MRTFA: variants seen among roughly 807,000 people sequenced by gnomAD.
MRTFA encodes myocardin-related transcription factor A.
MRTFA carries 20 observed loss-of-function variants against 83.5 expected under a neutral mutation model. That is an observed-to-expected ratio of 0.24 (90% CI 0.17 to 0.35). MRTFA has a LOEUF of 0.35. MRTFA is among the 10% of genes least tolerant of loss of function. The pLI is 1.00. For synonymous variants in MRTFA, 659 were observed against 541.2 expected (o/e 1.22, Z -3.02); for missense variants, 1,200 against 1,224.7 (o/e 0.98, Z 0.30).
chr22:40,411,640 C>T lies in MRTFA; in HGVS notation c.2846G>A (p.Ser949Asn). 2 of 1,613,336 alleles carry T rather than the reference C, an allele frequency of 1.2e-6. No homozygotes were observed. Among genetic ancestry groups the T allele is most frequent in the South Asian group, 1.1e-5 (1 of 90,956 alleles). The change falls in exon 15 of 15, where the codon AGC becomes AAC. Residue 949 changes from serine to asparagine, a missense_variant. Ser to Asn is a conservative substitution (Grantham distance 46, BLOSUM62 1). This residue lies in a region of MRTFA where 1,107 missense variants were observed against 1,041.8 expected (regional missense o/e 1.06). Transcript: ENST00000355630. The stretch of plus-strand genomic sequence containing the variant: ...GGGGTGGTCCAGGATGGCAGTGCTG[C>T]TCAGCATCTGGCTATGGAGGTCGTC...
intron 3 of MRTFA, among the ~76,000 whole-genome samples, chr22:40,502,551 C>T (rs1359921092): frequency 2.8e-5 from 4 of 143,386 alleles, no homozygotes; most frequent in Non-Finnish European, 4.6e-5. Flanking sequence ...CGGGCGGAGA[C>T]GCTCCTCACT....
chr22:40,626,893 A>G (rs1569358933), intron 1 of MRTFA, among the ~76,000 whole-genome samples: 1 of 151,788 alleles, frequency 6.6e-6, no homozygotes, highest in East Asian at 1.9e-4. Flanking sequence ...ACACACACAC[A>G]CACACACTAA....
At chr22:40,558,038 T>C (rs1304848429) in intron 2 of MRTFA, among the ~76,000 whole-genome samples, 1 of 151,960 alleles carries the variant, frequency 6.6e-6, no homozygotes, top group Non-Finnish European at 1.5e-5. Context: ...CCTCCCAAAG[T>C]GCTGGAATTA....
intron 3 of MRTFA, among the ~76,000 whole-genome samples, chr22:40,540,734 G>A (rs979912329): frequency 1.5e-4 from 20 of 133,642 alleles, no homozygotes; most frequent in African/African-American, 5.5e-4. Context: ...CTGAGATGGT[G>A]CCACTACACT....
chr22:40,561,305 G>C (rs1202939469), intron 2 of MRTFA, among the ~76,000 whole-genome samples: 2 of 151,568 alleles, frequency 1.3e-5, no homozygotes, highest in Non-Finnish European at 1.5e-5. Context: ...ATATGTACTA[G>C]GTACTGCCCT....
At chr22:40,535,364 TTC>T (rs1186888449) in intron 3 of MRTFA, among the ~76,000 whole-genome samples, 9 of 137,946 alleles carry the variant, frequency 6.5e-5, no homozygotes, top group East Asian at 4.0e-4. Flanking sequence ...TTTTTTTTTT[TTC>T]TTTTTGAGAC....
intron 3 of MRTFA, among the ~76,000 whole-genome samples, chr22:40,523,972 GC>G (rs2054916417): frequency 1.3e-5 from 2 of 152,080 alleles, no homozygotes; most frequent in African/African-American, 4.8e-5. Context: ...GATCCTATTT[GC>G]AAGGAAAAAC....
intron 2 of MRTFA, among the ~76,000 whole-genome samples, chr22:40,581,714 T>G (rs1286573039): frequency 6.6e-6 from 1 of 152,158 alleles, no homozygotes; most frequent in Non-Finnish European, 1.5e-5. Flanking sequence ...CATCTAACAT[T>G]TAATCCTACA....
intron 3 of MRTFA, among the ~76,000 whole-genome samples, chr22:40,530,699 A>G (rs1391535751): frequency 1.3e-5 from 2 of 152,276 alleles, no homozygotes; most frequent in Admixed American, 1.3e-4. Flanking sequence ...TAGAACACTT[A>G]GATTCAGCAA....
At chr22:40,590,191 C>G (rs2056099241) in intron 2 of MRTFA, among the ~76,000 whole-genome samples, 2 of 152,082 alleles carry the variant, frequency 1.3e-5, no homozygotes, top group Admixed American at 6.6e-5. Context: ...ACTACGACAA[C>G]TACATGGCAC....
At chr22:40,518,673 T>C (rs1487665978) in intron 3 of MRTFA, among the ~76,000 whole-genome samples, 1 of 151,320 alleles carries the variant, frequency 6.6e-6, no homozygotes, top group East Asian at 2.0e-4. Context: ...CGGGCACCTG[T>C]AGTCCCGGCT....
intron 3 of MRTFA, among the ~76,000 whole-genome samples, chr22:40,538,440 C>A (rs1185355525): frequency 1.1e-4 from 17 of 150,904 alleles, no homozygotes; most frequent in Admixed American, 9.3e-4. Flanking sequence ...CAGAAGGCCG[C>A]AGGGTCCTCT....
rs1439542767 is a variant in MRTFA at position 40,470,278 on chromosome 22, T to G, written c.242-6992A>C. The stretch of plus-strand genomic sequence containing the variant: ...ATATATATATATATATATATATATA[T>G]ATAAAGAAACATAATAAAGAGCAAA... On this transcript the variant is annotated intron_variant, in intron 3 of 14. Transcript: ENST00000355630. 1.7e-4 allele frequency among the ~76,000 whole-genome samples: 18 copies of G among 104,198 alleles called. No individual in the cohort carries two copies. The South Asian group carries it at 4.7e-3, about 27-fold the overall frequency. 68.4% of individuals were successfully genotyped at this position (104,198 alleles called of 152,430 possible).
At chr22:40,604,826 C>T (rs1194216408) in intron 1 of MRTFA, among the ~76,000 whole-genome samples, 1 of 152,164 alleles carries the variant, frequency 6.6e-6, no homozygotes, top group East Asian at 1.9e-4. Flanking sequence ...TCACCATGTG[C>T]TGACTTAGGC....
At chr22:40,539,020 A>C (rs1240540403) in intron 3 of MRTFA, among the ~76,000 whole-genome samples, 1 of 139,758 alleles carries the variant, frequency 7.2e-6, no homozygotes, top group Non-Finnish European at 1.5e-5. Flanking sequence ...TTTGAGACAA[A>C]GTCTCACTCT....
intron 2 of MRTFA, among the ~76,000 whole-genome samples, chr22:40,592,151 G>C (rs779643735): frequency 3.2e-4 from 49 of 151,832 alleles, no homozygotes; most frequent in Admixed American, 5.9e-4. Context: ...GTGTGGGCCA[G>C]GCATGGTGGC....
chr22:40,564,666 T>C (rs2055676353), intron 2 of MRTFA, among the ~76,000 whole-genome samples: 1 of 152,136 alleles, frequency 6.6e-6, no homozygotes, highest in Admixed American at 6.5e-5. Flanking sequence ...ATTATTATTA[T>C]TTTGGAGACG....
intron 2 of MRTFA, among the ~76,000 whole-genome samples, chr22:40,590,302 A>G (rs1481015608): frequency 1.3e-5 from 2 of 152,184 alleles, no homozygotes; most frequent in Admixed American, 1.3e-4. Context: ...TCTGGCAGAC[A>G]GGAACTCAAC....
chr22:40,458,081 C>T (rs1346945138), intron 4 of MRTFA, among the ~76,000 whole-genome samples: 1 of 152,148 alleles, frequency 6.6e-6, no homozygotes, highest in Non-Finnish European at 1.5e-5. Context: ...TTCTGTGAGT[C>T]TTCATCCTGG....
Sources: allele counts gnomAD v4.1 joint callset (sites outside exome capture counted in the v4.1 genomes callset), GRCh38; gene constraint gnomAD v4.1.1; regional missense constraint gnomAD v4.1.1; transcripts MANE v1.5; gene names NCBI Gene and HGNC (gene_info 2026-07-23, HGNC 2026-07-21).